ALDH8A1: variants seen among roughly 807,000 people sequenced by gnomAD.
ALDH8A1 encodes the protein 2-aminomuconic semialdehyde dehydrogenase.
A neutral mutation model predicts 43.3 loss-of-function variants in ALDH8A1; 39 were observed. The observed-to-expected ratio is 0.90, with a 90% confidence interval of 0.70 to 1.18. The LOEUF is 1.18. Among genes scored for constraint, ALDH8A1 ranks in the 50% most tolerant of loss-of-function variants. The pLI, the probability that ALDH8A1 is intolerant of heterozygous loss-of-function variation, is 0.00. For synonymous variants in ALDH8A1, 233 were observed against 243.5 expected, an observed-to-expected ratio of 0.96 and a Z score of 0.40; for missense variants, 605 against 622.6, an observed-to-expected ratio of 0.97 and a Z score of 0.30.
Position 134,939,257 on chromosome 6 carries a change from C to A in ALDH8A1, c.592+9G>T, listed in dbSNP as rs1359801274. The stretch of plus-strand genomic sequence containing the variant: ...CTGTGCCTGCCCCCCAACCCCAACA[C>A]CTAATTACCTGCTTTATCCAGGAGT... On this transcript the variant is annotated intron_variant, in intron 4 of 6. Coordinates refer to ENST00000265605, the MANE Select transcript of ALDH8A1 (RefSeq NM_022568.4). 6.2e-7 allele frequency: 1 copy of A among 1,613,652 alleles called. No homozygotes were observed. The highest frequency in any genetic ancestry group is 8.5e-7 in the Non-Finnish European group (1 of 1,179,704).
chr6:134,946,640 T>C (rs555349101), intron 1 of ALDH8A1, among the ~76,000 whole-genome samples: 35 of 152,334 alleles, frequency 2.3e-4, no homozygotes, highest in African/African-American at 7.7e-4. Flanking sequence ...GACTGAGGCA[T>C]GCAAAAGTTC....
chr6:134,943,744 A>C (rs546781089), intron 2 of ALDH8A1, 75 bp downstream of exon 2: 1 of 1,554,390 alleles, frequency 6.4e-7, no homozygotes, highest in Non-Finnish European at 8.7e-7. Flanking sequence ...GGCTGGCCTG[A>C]TGGCCCCAAG....
chr6:134,941,364 G>A (rs72564645), intron 3 of ALDH8A1: 20,839 of 150,202 alleles, frequency 0.14, 2,065 homozygotes, highest in East Asian at 0.25. Context: ...ATGCCACCAC[G>A]CCCGGCTGGG....
Position 134,943,884 on chromosome 6 carries a change from T to G in ALDH8A1, c.221A>C (p.Asn74Thr). The change falls in exon 2 of 7, where the codon AAC becomes ACC. Residue 74 changes from asparagine to threonine, a missense_variant. Coordinates refer to ENST00000265605, the MANE Select transcript of ALDH8A1 (RefSeq NM_022568.4). ...RSPQERSRVL[N>T]QVADLLEQSL... is the part of the protein sequence containing the mutation. ...CTGCTCCAGCAAATCCGCCACCTGG[T>G]TCAGGACCCGTGAGCGCTCCTGGGG... The G allele has an allele frequency of 6.2e-7, 1 of 1,614,206 alleles. No individual in the cohort carries two copies. Among genetic ancestry groups the G allele is most frequent in the Non-Finnish European group, 8.5e-7 (1 of 1,180,034 alleles).
chr6:134,928,293 C>T (rs546482942), intron 6 of ALDH8A1, among the ~76,000 whole-genome samples: 1 of 152,300 alleles, frequency 6.6e-6, no homozygotes, highest in African/African-American at 2.4e-5. Flanking sequence ...CTGCAGGCAA[C>T]TGTGTTGCAG....
intron 4 of ALDH8A1, among the ~76,000 whole-genome samples, chr6:134,935,552 G>A (rs944750692): frequency 6.6e-6 from 1 of 152,174 alleles, no homozygotes; most frequent in Non-Finnish European, 1.5e-5. Context: ...GCTGTGTCTA[G>A]GCAGTTCTTA....
intron 5 of ALDH8A1, 31 bp from the exon 6 acceptor site, chr6:134,929,246 C>G: frequency 6.2e-7 from 1 of 1,606,484 alleles, no homozygotes; most frequent in Non-Finnish European, 8.5e-7. Flanking sequence ...GATAAGGCTG[C>G]GGACACTCTC....
chr6:134,930,229 G>A (rs1183723286), intron 5 of ALDH8A1, among the ~76,000 whole-genome samples: 1 of 152,154 alleles, frequency 6.6e-6, no homozygotes, highest in Non-Finnish European at 1.5e-5. Flanking sequence ...GACACGAGGT[G>A]GAAAGAGGAT....
Position 134,943,909 on chromosome 6 carries a change from G to A in ALDH8A1, c.196C>T (p.Pro66Ser), listed in dbSNP as rs745513991. 6.2e-7 allele frequency: 1 copy of A among 1,614,096 alleles called. No individual in the cohort carries two copies. The highest frequency in any genetic ancestry group is 1.1e-5 in the South Asian group (1 of 91,086). Reference sequence around the variant, plus strand: ...TTCAGGACCCGTGAGCGCTCCTGGGGGCTGCGGGATGACCAGCTGGGAAAG... The same window carrying A: ...TTCAGGACCCGTGAGCGCTCCTGGGAGCTGCGGGATGACCAGCTGGGAAAG... Reference protein sequence around the residue: ...EAFPSWSSRSPQERSRVLNQV... With the variant: ...EAFPSWSSRSSQERSRVLNQV... Residue 66 changes from proline to serine, a missense_variant, in exon 2 of 7, where the codon CCC (proline) becomes TCC (serine). Pro to Ser is a moderately conservative substitution (Grantham distance 74). Transcript: ENST00000265605.
intron 3 of ALDH8A1, among the ~76,000 whole-genome samples, chr6:134,940,826 T>C (rs1475410762): frequency 1.3e-5 from 2 of 152,204 alleles, no homozygotes; most frequent in Non-Finnish European, 1.5e-5. Flanking sequence ...ATCCATTCTT[T>C]AGGGGATAAA....
At chr6:134,923,772 G>A (rs543599650) in intron 6 of ALDH8A1, among the ~76,000 whole-genome samples, 1 of 152,326 alleles carries the variant, frequency 6.6e-6, no homozygotes, top group South Asian at 2.1e-4. Context: ...TAGAAATAAT[G>A]AGGAATGAGG....
intron 5 of ALDH8A1, among the ~76,000 whole-genome samples, chr6:134,932,016 T>G (rs922997883): frequency 1.3e-5 from 2 of 152,246 alleles, no homozygotes; most frequent in South Asian, 4.1e-4. Context: ...TTGGCCTATG[T>G]TTTTACTCTC....
chr6:134,946,520 G>A (rs2114712095), intron 1 of ALDH8A1, among the ~76,000 whole-genome samples: 1 of 152,320 alleles, frequency 6.6e-6, no homozygotes, highest in East Asian at 1.9e-4. Context: ...TACATAGAAA[G>A]CATTTACTAT....
At chr6:134,944,020 G>T (rs528788382) in intron 1 of ALDH8A1, 54 bp from the exon 2 acceptor site, 3 of 1,559,480 alleles carry the variant, frequency 1.9e-6, no homozygotes, top group African/African-American at 1.4e-5. Flanking sequence ...GTCCTTGGGG[G>T]ATGGACAAAA....
Position 134,929,114 on chromosome 6 carries a change from G to T in ALDH8A1, c.951C>A (p.Gly317=), listed in dbSNP as rs1343271262. Residue 317 remains glycine (G), a synonymous_variant, in exon 6 of 7, where the codon GGC becomes GGA. Transcript: ENST00000265605. ...TGCTCACCAGTGGATCAGAGGGAAT[G>T]CCGACTTTCCACTTTCTGGTAGCTT... ...FVEATRKWKV[G]IPSDPLVSIG... is the part of the protein sequence containing the mutation. 2 of 1,614,052 alleles carry T rather than the reference G, an allele frequency of 1.2e-6. No individual in the cohort carries two copies. The highest frequency in any genetic ancestry group is 2.7e-5 in the African/African-American group (2 of 74,932).
At chr6:134,945,593 G>C (rs1056072291) in intron 1 of ALDH8A1, among the ~76,000 whole-genome samples, 1 of 152,076 alleles carries the variant, frequency 6.6e-6, no homozygotes, top group African/African-American at 2.4e-5. Context: ...CCTAACCCAT[G>C]TCTCACTCCT....
intron 6 of ALDH8A1, among the ~76,000 whole-genome samples, chr6:134,919,575 C>T (rs1022831734): frequency 6.6e-6 from 1 of 152,038 alleles, no homozygotes; most frequent in African/African-American, 2.4e-5. Flanking sequence ...AGAAATAGCT[C>T]ATAATAATTA....
chr6:134,920,130 C>T (rs929054806), intron 6 of ALDH8A1, among the ~76,000 whole-genome samples: 1 of 152,276 alleles, frequency 6.6e-6, no homozygotes, highest in South Asian at 2.1e-4. Context: ...CCAGGCTGGT[C>T]TTCAACTCCT....
At chr6:134,934,490 T>C (rs2041592197) in intron 4 of ALDH8A1, among the ~76,000 whole-genome samples, 1 of 152,162 alleles carries the variant, frequency 6.6e-6, no homozygotes, top group Non-Finnish European at 1.5e-5. Context: ...TCTCGACTGG[T>C]TTTGGCTGAC....
Sources: allele counts gnomAD v4.1 joint callset (sites outside exome capture counted in the v4.1 genomes callset), GRCh38; gene constraint gnomAD v4.1.1; transcripts MANE v1.5; gene names NCBI Gene and HGNC (gene_info 2026-07-23, HGNC 2026-07-21).